SFMBT1: variants seen among roughly 807,000 people sequenced by gnomAD.
SFMBT1 encodes the protein Scm like with four mbt domains 1.
SFMBT1 carries 32 observed loss-of-function variants against 108.7 expected under a neutral mutation model. The ratio of observed to expected loss-of-function variants is 0.29; its 90% confidence interval spans 0.22 to 0.40. SFMBT1 has a LOEUF of 0.40. Among genes scored for constraint, SFMBT1 ranks in the 10% least tolerant of loss-of-function variants. The pLI is 1.00. For synonymous variants in SFMBT1, 348 were observed against 369.5 expected (o/e 0.94, Z 0.67); for missense variants, 816 against 1,059.6 (o/e 0.77, Z 3.19).
chr3:53,032,606 C>T (rs1161091495), intron 1 of SFMBT1, among the ~76,000 whole-genome samples: 2 of 152,166 alleles, frequency 1.3e-5, no homozygotes, highest in African/African-American at 4.8e-5. Context: ...GAACATAATA[C>T]ATTTTCAAAT....
chr3:52,919,985 G>A (rs1314967509), intron 12 of SFMBT1, among the ~76,000 whole-genome samples: 1 of 152,224 alleles, frequency 6.6e-6, no homozygotes, highest in Admixed American at 6.5e-5. Context: ...ATGCAGATTA[G>A]TACTCTTATA....
chr3:52,937,063 G>A (rs1364498173), intron 4 of SFMBT1, among the ~76,000 whole-genome samples: 13 of 151,636 alleles, frequency 8.6e-5, no homozygotes, highest in African/African-American at 2.7e-4. Flanking sequence ...GGATGGTCTC[G>A]ATCTCCTGAC....
chr3:52,914,378 G>A (rs72961705), intron 14 of SFMBT1, among the ~76,000 whole-genome samples: 4,525 of 152,232 alleles, frequency 0.03, 264 homozygotes, highest in African/African-American at 0.1. Context: ...AAAGATATGC[G>A]CACACTGCCC....
intron 10 of SFMBT1, among the ~76,000 whole-genome samples, chr3:52,925,176 G>A (rs554799435): frequency 1.1e-4 from 16 of 152,248 alleles, no homozygotes; most frequent in African/African-American, 3.4e-4. Flanking sequence ...AGCTGAGATC[G>A]TGCCACTGCA....
rs775938209 is a variant in SFMBT1, at chr3:52,921,193, TCTGA to T, written c.1258+508_1258+511del. ...AGAAACAGTAGGTACCTTCTCAAAG[TCTGA>T]CTATTTGGCAGCAGGATAAAAAAGC... On this transcript the variant is annotated intron_variant, in intron 11 of 20. Transcript: ENST00000394752. Among the ~76,000 whole-genome samples, 250 of 152,304 alleles carry T rather than the reference TCTGA, an allele frequency of 1.6e-3. 2 individuals are homozygous for T. The highest frequency in any genetic ancestry group is 3.1e-3 in the Non-Finnish European group (210 of 68,024).
chr3:52,931,082 C>T (rs1702844029), intron 6 of SFMBT1, 47 bp from the exon 7 acceptor site: 1 of 1,539,918 alleles, frequency 6.5e-7, no homozygotes, highest in Non-Finnish European at 9.0e-7. Flanking sequence ...GAAACTTATA[C>T]TTTTTACCTG....
At chr3:52,961,809 T>C (rs2106845581) in intron 2 of SFMBT1, among the ~76,000 whole-genome samples, 1 of 152,266 alleles carries the variant, frequency 6.6e-6, no homozygotes, top group South Asian at 2.1e-4. Flanking sequence ...TTACTAAAAC[T>C]TAACAAGGCT....
At chr3:52,970,131 T>C (rs1364047861) in intron 1 of SFMBT1, among the ~76,000 whole-genome samples, 3 of 152,060 alleles carry the variant, frequency 2.0e-5, no homozygotes, top group Non-Finnish European at 2.9e-5. Context: ...AAAAGCTTTA[T>C]TGGGATATAA....
chr3:52,943,499 A>G lies in SFMBT1; in HGVS notation c.218T>C (p.Ile73Thr). 3 of 1,614,066 alleles carry G rather than the reference A, an allele frequency of 1.9e-6. No homozygotes were observed. Among genetic ancestry groups the G allele is most frequent in the Non-Finnish European group, 8.5e-7 (1 of 1,180,016 alleles). Residue 73 changes from isoleucine (I) to threonine (T), a missense_variant, in exon 4 of 21, where the codon ATC (isoleucine) becomes ACC (threonine). Coordinates refer to ENST00000394752, the MANE Select transcript of SFMBT1 (RefSeq NM_016329.4). ...AAGGAGCAACTGCTCACAGGTAGTGATAACGGTGGCAACCCAGTAGGTCTC... is the reference window on the plus strand; with the variant it reads ...AAGGAGCAACTGCTCACAGGTAGTGGTAACGGTGGCAACCCAGTAGGTCTC... ...DPETYWVATV[I>T]TTCEQLLLLR...
chr3:53,038,897 T>C (rs769930909), intron 1 of SFMBT1, among the ~76,000 whole-genome samples: 6 of 152,322 alleles, frequency 3.9e-5, no homozygotes, highest in South Asian at 4.1e-4. Context: ...TTATTTACAA[T>C]TCTGAACACA....
intron 8 of SFMBT1, chr3:52,928,637 C>CGT (rs1702751803): frequency 1.3e-5 from 1 of 78,452 alleles, no homozygotes; most frequent in African/African-American, 5.1e-5. Context: ...CATATATATA[C>CGT]ATATATATAT....
intron 1 of SFMBT1, among the ~76,000 whole-genome samples, chr3:52,970,550 G>C (rs1471068424): frequency 6.6e-6 from 1 of 152,172 alleles, no homozygotes; most frequent in Non-Finnish European, 1.5e-5. Flanking sequence ...AAGAGTAAAT[G>C]AAAGGGAGAA....
chr3:53,019,372 G>T (rs1016612785), intron 1 of SFMBT1, among the ~76,000 whole-genome samples: 1 of 125,974 alleles, frequency 7.9e-6, no homozygotes, highest in African/African-American at 2.9e-5. Context: ...CTCAGTCACT[G>T]GTGTGTGTGT....
chr3:52,964,052 A>G (rs1704052364), intron 2 of SFMBT1, among the ~76,000 whole-genome samples: 1 of 152,078 alleles, frequency 6.6e-6, no homozygotes. Context: ...GAGTTTCCCT[A>G]TATTGCCCCA....
chr3:52,959,320 C>G (rs1703885360), intron 2 of SFMBT1, among the ~76,000 whole-genome samples: 1 of 152,188 alleles, frequency 6.6e-6, no homozygotes, highest in African/African-American at 2.4e-5. Flanking sequence ...TCACTTCCCA[C>G]CATATCTACT....
At chr3:52,917,758 G>C (rs921775020) in intron 13 of SFMBT1, among the ~76,000 whole-genome samples, 6 of 152,084 alleles carry the variant, frequency 3.9e-5, no homozygotes, top group Non-Finnish European at 7.4e-5. Flanking sequence ...TGCCCCTTAG[G>C]ATAATCTAAT....
At chr3:53,024,095 T>G (rs987623672) in intron 1 of SFMBT1, among the ~76,000 whole-genome samples, 7 of 152,012 alleles carry the variant, frequency 4.6e-5, no homozygotes, top group African/African-American at 1.7e-4. Context: ...ATAAAACACA[T>G]AGTGTGTAAC....
chr3:53,024,560 C>T (rs1329130016), intron 1 of SFMBT1, among the ~76,000 whole-genome samples: 2 of 152,124 alleles, frequency 1.3e-5, no homozygotes, highest in East Asian at 3.8e-4. Flanking sequence ...CTAACAGGGT[C>T]GTTGTGTGTC....
At chr3:53,016,165 A>C (rs1699118092) in intron 1 of SFMBT1, among the ~76,000 whole-genome samples, 1 of 152,070 alleles carries the variant, frequency 6.6e-6, no homozygotes, top group Non-Finnish European at 1.5e-5. Context: ...GTGAAAAAAA[A>C]AAACAAAACC....
Sources: gnomAD v4.1 joint callset for allele counts (sites outside exome capture counted in the v4.1 genomes callset) on GRCh38, gnomAD v4.1.1 for gene constraint, MANE v1.5 for transcripts, NCBI Gene and HGNC (gene_info 2026-07-23, HGNC 2026-07-21) for gene names.